Variants in PIEZO1 observed in about 807,000 individuals in gnomAD.
PIEZO1 encodes piezo-type mechanosensitive ion channel component 1.
Under a neutral mutation model 297.2 loss-of-function variants are expected in PIEZO1, and 296 were observed. The observed-to-expected ratio is 1.00, with a 90% confidence interval of 0.91 to 1.10. The LOEUF (loss-of-function observed/expected upper bound fraction) is 1.10. Ranked by LOEUF, PIEZO1 falls within the 50% of genes least tolerant of loss-of-function variation. PIEZO1 has a pLI of 0.00. For synonymous variants in PIEZO1, 2,427 were observed against 1,507.5 expected (o/e 1.61, Z -14.13); for missense variants, 5,018 against 3,455.5 (o/e 1.45, Z -11.34).
chr16:88,736,099 G>C, intron 12 of PIEZO1, 49 bp downstream of exon 12: 2 of 1,494,436 alleles, frequency 1.3e-6, no homozygotes, highest in South Asian at 1.3e-5. Context: ...CGACAACCCT[G>C]ATGGGTCTGC....
rs767289246 is a variant in PIEZO1 at position 88,741,539 on chromosome 16, C to G, written c.404G>C (p.Cys135Ser). The part of the protein sequence containing the change: ...DLGILVVSSV[C>S]LGICGRLARN... Reference sequence around the variant, plus strand: ...TGCAAGGCGCCCGCAGATGCCGAGGCAGACAGAGGAGACCACCAAGATGCC... The same window carrying G: ...TGCAAGGCGCCCGCAGATGCCGAGGGAGACAGAGGAGACCACCAAGATGCC... Residue 135 changes from cysteine to serine, a missense_variant, in exon 5 of 51, where the codon TGC becomes TCC. Cys to Ser is a moderately radical substitution (Grantham distance 112). Transcript: ENST00000301015. 2 of 1,535,754 alleles carry G rather than the reference C, an allele frequency of 1.3e-6. No homozygotes were observed. Among genetic ancestry groups the G allele is most frequent in the Non-Finnish European group, 1.7e-6 (2 of 1,146,796 alleles).
At chr16:88,753,386 C>G (rs1159398986) in intron 1 of PIEZO1, among the ~76,000 whole-genome samples, 1 of 148,516 alleles carries the variant, frequency 6.7e-6, no homozygotes, top group Admixed American at 6.8e-5. Flanking sequence ...ACAGGAGGGC[C>G]CTGGCTGGTC....
At position 88,736,068 on chromosome 16, in the gene PIEZO1, G is replaced by A. The variant is rs1011510291; in HGVS notation, c.1557+80C>T. 9.9e-5 allele frequency: 136 copies of A among 1,377,146 alleles called. 1 individual carries two copies. The Middle Eastern group carries it at 1.3e-3, about 13-fold the overall frequency. 85.3% of individuals were successfully genotyped at this position (1,377,146 alleles called of 1,614,324 possible). On this transcript the variant is annotated intron_variant, in intron 12 of 50. Transcript: ENST00000301015. The stretch of plus-strand genomic sequence containing the variant: ...CTTCTTGGCGCTGCCACTCCCCCGG[G>A]CAAGTGGACATTGAACAGGACGACA...
Position 88,726,911 on chromosome 16 carries a change from C to T in PIEZO1, c.3503G>A (p.Trp1168Ter), listed in dbSNP as rs1484859631. 15 of 1,550,318 alleles carry T rather than the reference C, an allele frequency of 9.7e-6. No individual in the cohort carries two copies. The highest frequency in any genetic ancestry group is 1.3e-5 in the Non-Finnish European group (15 of 1,146,920). The change falls in exon 25 of 51, where the codon TGG (tryptophan) becomes TAG (stop). Residue 1168 changes from tryptophan to a stop codon, truncating the protein, a stop_gained. Coordinates refer to ENST00000301015, the MANE Select transcript of PIEZO1 (RefSeq NM_001142864.4). LOFTEE classifies it high-confidence loss of function. ...LKVAVFRYLFWLVLVVVFVTG... is the reference protein window; with the variant it reads ...LKVAVFRYLF ...GACAAACACCACCACCAGCACCAGC[C>T]AGAACAGGTATCGGAAGACGGCCAC...
rs1378249422 is a variant in PIEZO1, at chr16:88,736,003, G to A, written c.1557+145C>T. The A allele has an allele frequency of 1.0e-5, 8 of 778,042 alleles. No homozygotes were observed. In the Admixed American group the frequency reaches 1.1e-4, roughly 11 times the overall value. The allele number at this position is 778,042 out of a possible 1,614,324, so 48.2% of individuals were successfully genotyped here. On this transcript the variant is annotated intron_variant, in intron 12 of 50. Transcript: ENST00000301015. ...GCTCACTGAGAAGCTACTCTGGGCT[G>A]GCTCTGGGTGGGCAGAAGGGGACAG...
rs1347322050 is a variant in PIEZO1, at chr16:88,741,477, C to A, written c.465+1G>T. 30 of 1,534,234 alleles carry A rather than the reference C, an allele frequency of 2.0e-5. No homozygotes were observed. In the East Asian group the frequency reaches 7.3e-4, roughly 38 times the overall value. Reference sequence around the variant, plus strand: ...CACACGGGTGACGCAGCTGCCCTCACCAGCTCCCGTGGATGTGGGCTCTGC... The same window carrying A: ...CACACGGGTGACGCAGCTGCCCTCAACAGCTCCCGTGGATGTGGGCTCTGC... On this transcript the variant is annotated splice_donor_variant, in intron 5 of 50. Coordinates refer to ENST00000301015, the MANE Select transcript of PIEZO1 (RefSeq NM_001142864.4). LOFTEE classifies it high-confidence loss of function.
At position 88,726,319 on chromosome 16, in the gene PIEZO1, C is replaced by T. The variant is rs1243395186; in HGVS notation, c.3933G>A (p.Arg1311=). 6 of 1,550,070 alleles carry T rather than the reference C, an allele frequency of 3.9e-6. No individual in the cohort carries two copies. The highest frequency in any genetic ancestry group is 2.7e-5 in the African/African-American group (2 of 73,052). ...GCAGGGCGGTGGCCTGGAGGTCGGC[C>T]CTGACGTGCAGGTAGTAATGGCTAA... The part of the protein sequence containing the change: ...VFLSHYYLHV[R]ADLQATALLA... The change falls in exon 27 of 51, where the codon AGG becomes AGA. Residue 1311 remains arginine (R), a synonymous_variant. Transcript: ENST00000301015.
chr16:88,744,577 G>C (rs1196352695), intron 2 of PIEZO1, among the ~76,000 whole-genome samples: 2 of 150,366 alleles, frequency 1.3e-5, no homozygotes, highest in African/African-American at 4.9e-5. Context: ...CACCCGCCTT[G>C]CCCTGCACGA....
Position 88,721,159 on chromosome 16 carries a change from C to T in PIEZO1, c.5668+7G>A, listed in dbSNP as rs1445058162. ...AGGCAGGAGGTTGTGAGGCAGGGCG[C>T]TTATACCGATGGCTGCCGCTCCTTT... On this transcript the variant is annotated splice_region_variant and intron_variant, in intron 39 of 50. Transcript: ENST00000301015. 5.4e-6 allele frequency: 8 copies of T among 1,494,326 alleles called. No individual in the cohort carries two copies. The highest frequency in any genetic ancestry group is 4.2e-5 in the African/African-American group (3 of 71,580). The allele number at this position is 1,494,326 out of a possible 1,614,324, so 92.6% of individuals were successfully genotyped here. A position where few individuals can be genotyped will look rare whatever the true frequency, so the allele number is the denominator to read the frequency against.
At chr16:88,717,866 C>T (rs953467694) in intron 44 of PIEZO1, 14 of 425,862 alleles carry the variant, frequency 3.3e-5, no homozygotes, top group African/African-American at 2.7e-4. Flanking sequence ...GGTGTGGCGG[C>T]TCACACTTGT....
chr16:88,715,805 G>A lies in PIEZO1; in HGVS notation c.7366C>T (p.Arg2456Cys). 5 of 1,550,284 alleles carry A rather than the reference G, an allele frequency of 3.2e-6. No homozygotes were observed. Among genetic ancestry groups the A allele is most frequent in the Non-Finnish European group, 4.4e-6 (5 of 1,146,948 alleles). ...SIVLVIGKFV[R>C]GFFSEISHSI... ...TGCGAGATCTCGCTGAAGAATCCGCGCACGAACTTGCCGATGACCAGCACG... is the reference window on the plus strand; with the variant it reads ...TGCGAGATCTCGCTGAAGAATCCGCACACGAACTTGCCGATGACCAGCACG... Residue 2456 changes from arginine (R) to cysteine (C), a missense_variant, in exon 51 of 51, where the codon CGC becomes TGC. By Grantham distance (180) the Arg-to-Cys change is radical. Transcript: ENST00000301015.
At chr16:88,749,265 G>T (rs1906255732) in intron 2 of PIEZO1, 119 bp downstream of exon 2, 7 of 614,434 alleles carry the variant, frequency 1.1e-5, no homozygotes, top group Non-Finnish European at 1.8e-5. Flanking sequence ...TTTTATTTCG[G>T]GACCCCTCAT....
At position 88,720,099 on chromosome 16, in the gene PIEZO1, A is replaced by G. The variant is rs1417886959; in HGVS notation, c.6134T>C (p.Met2045Thr). Residue 2045 changes from methionine to threonine, a missense_variant, in exon 42 of 51, where the codon ATG (methionine) becomes ACG (threonine). By Grantham distance (81) the Met-to-Thr change is moderately conservative. Coordinates refer to ENST00000301015, the MANE Select transcript of PIEZO1 (RefSeq NM_001142864.4). ...AGTGACGGCGGGCAGGATGAAGAAC[A>G]TCCATAGGTGGATGGCCAGCACCAG... ...VALVLAIHLW[M>T]FFILPAVTER... is the part of the protein sequence containing the mutation. The G allele has an allele frequency of 6.5e-7, 1 of 1,550,328 alleles. No individual in the cohort carries two copies. The highest frequency in any genetic ancestry group is 2.0e-5 in the Admixed American group (1 of 51,008).
chr16:88,738,269 G>C lies in PIEZO1; in HGVS notation c.806C>G (p.Pro269Arg). Residue 269 changes from proline to arginine, a missense_variant, in exon 7 of 51, where the codon CCC becomes CGC. By Grantham distance (103) the Pro-to-Arg change is moderately radical. Transcript: ENST00000301015. ...AGGCGGGAGCAGAGCCTGTGCCAAGGGCATCTGGTAGCAGTAGAGGCAGAT... is the reference window on the plus strand; with the variant it reads ...AGGCGGGAGCAGAGCCTGTGCCAAGCGCATCTGGTAGCAGTAGAGGCAGAT... ...HLICLYCYQM[P>R]LAQALLPPAG... is the part of the protein sequence containing the mutation. The C allele has an allele frequency of 1.3e-6, 2 of 1,535,898 alleles. No homozygotes were observed.
At chr16:88,761,038 C>T (rs1012524058) in intron 1 of PIEZO1, among the ~76,000 whole-genome samples, 6 of 152,330 alleles carry the variant, frequency 3.9e-5, no homozygotes, top group Non-Finnish European at 7.4e-5. Context: ...GACACCCTCC[C>T]GGACACACTC....
rs767222696 is a variant in PIEZO1, at chr16:88,727,099, G to C, written c.3395C>G (p.Thr1132Ser). Residue 1132 changes from threonine to serine, a missense_variant, in exon 24 of 51, where the codon ACC becomes AGC. Transcript: ENST00000301015. ...EEWQRMAGVN[T>S]DRLEPLRGEP... ...CCCCCGCAGCGGCTCCAGGCGGTCG[G>C]TGTTGACGCCAGCCATGCGCTGCCA... 119 of 1,549,890 alleles carry C rather than the reference G, an allele frequency of 7.7e-5. No homozygotes were observed. The highest frequency in any genetic ancestry group is 2.0e-4 in the Admixed American group (10 of 50,976).
chr16:88,721,562 A>T lies in PIEZO1; in HGVS notation c.5379T>A (p.Leu1793=). 6.5e-7 allele frequency: 1 copy of T among 1,549,582 alleles called. No homozygotes were observed. Among genetic ancestry groups the T allele is most frequent in the South Asian group, 1.2e-5 (1 of 84,024 alleles). Residue 1793 remains leucine, a synonymous_variant, in exon 38 of 51, where the codon CTT becomes CTA. Coordinates refer to ENST00000301015, the MANE Select transcript of PIEZO1 (RefSeq NM_001142864.4). Reference sequence around the variant, plus strand: ...CCAGCAGCTGGGAGCGGTGGAAGAAAAGGGCCATGAGCTGCACCAGGTCGT... The same window carrying T: ...CCAGCAGCTGGGAGCGGTGGAAGAATAGGGCCATGAGCTGCACCAGGTCGT... ...IKYDLVQLMA[L]FFHRSQLLCY...
intron 1 of PIEZO1, among the ~76,000 whole-genome samples, chr16:88,754,047 G>A (rs1906531474): frequency 6.6e-6 from 1 of 152,208 alleles, no homozygotes; most frequent in South Asian, 2.1e-4. Flanking sequence ...TCCTGAGTCA[G>A]CTGCAATGGG....
At chr16:88,745,982 G>T (rs367876837) in intron 2 of PIEZO1, among the ~76,000 whole-genome samples, 2 of 152,220 alleles carry the variant, frequency 1.3e-5, no homozygotes, top group African/African-American at 4.8e-5. Context: ...CACACCTGCC[G>T]GACAAGGGCT....
Sources: gnomAD v4.1 joint callset for allele counts (sites outside exome capture counted in the v4.1 genomes callset) on GRCh38, gnomAD v4.1.1 for gene constraint, MANE v1.5 for transcripts, NCBI Gene and HGNC (gene_info 2026-07-23, HGNC 2026-07-21) for gene names.